KIF5C: variants seen among roughly 807,000 people sequenced by gnomAD.
KIF5C encodes the protein kinesin heavy chain isoform 5C.
In KIF5C, 18 loss-of-function variants were observed where a neutral mutation model predicts 125.2. The observed-to-expected ratio is 0.14, with a 90% CI of 0.10 to 0.21. The LOEUF (loss-of-function observed/expected upper bound fraction) is 0.21. KIF5C is among the 10% of genes least tolerant of loss of function. The pLI, the probability that KIF5C is intolerant of heterozygous loss-of-function variation, is 1.00. For synonymous variants in KIF5C, 405 were observed against 434.0 expected (o/e 0.93, Z 0.83); for missense variants, 780 against 1,183.8 (o/e 0.66, Z 5.01).
In KIF5C at chr2:148,949,823, C is replaced by A. The variant is rs754318785; in HGVS notation, c.715-16C>A. The A allele has an allele frequency of 2.5e-5, 41 of 1,612,800 alleles. No individual in the cohort carries two copies. Among genetic ancestry groups the A allele is most frequent in the Non-Finnish European group, 3.5e-5 (41 of 1,179,448 alleles). Reference sequence around the variant, plus strand: ...GCCGTCCTGTGCTGCTCACTGCTTTCTTTTCTCTCTGGTAGGTCAGCAAAA... The same window carrying A: ...GCCGTCCTGTGCTGCTCACTGCTTTATTTTCTCTCTGGTAGGTCAGCAAAA... On this transcript the variant is annotated splice_polypyrimidine_tract_variant and intron_variant, in intron 8 of 25. Coordinates refer to ENST00000435030, the MANE Select transcript of KIF5C (RefSeq NM_004522.3).
intron 10 of KIF5C, among the ~76,000 whole-genome samples, chr2:148,953,208 A>G (rs1682710512): frequency 6.6e-6 from 1 of 152,224 alleles, no homozygotes; most frequent in African/African-American, 2.4e-5. Flanking sequence ...TAGGTGGTCA[A>G]TAAATAAATG....
intron 25 of KIF5C, among the ~76,000 whole-genome samples, chr2:149,018,151 T>G (rs1057401083): frequency 2.6e-5 from 4 of 151,798 alleles, no homozygotes; most frequent in Non-Finnish European, 4.4e-5. Flanking sequence ...TAGCCAGGTG[T>G]GGTAGTGCAT....
At chr2:148,926,015 T>G (rs969643097) in intron 2 of KIF5C, among the ~76,000 whole-genome samples, 1 of 152,172 alleles carries the variant, frequency 6.6e-6, no homozygotes, top group Non-Finnish European at 1.5e-5. Flanking sequence ...GAGGATGGCC[T>G]GTCAGCCACC....
chr2:148,994,598 T>C, intron 17 of KIF5C, 60 bp downstream of exon 17: 1 of 1,521,648 alleles, frequency 6.6e-7, no homozygotes, highest in Non-Finnish European at 8.8e-7. Flanking sequence ...CAGCCTCTGG[T>C]TGGCTGGAAT....
intron 7 of KIF5C, among the ~76,000 whole-genome samples, chr2:148,945,183 T>C (rs1425542018): frequency 6.6e-6 from 1 of 152,164 alleles, no homozygotes; most frequent in Non-Finnish European, 1.5e-5. Flanking sequence ...GTGCTTTGGG[T>C]GTCATATCCA....
chr2:148,945,242 C>A (rs1274054578), intron 7 of KIF5C, among the ~76,000 whole-genome samples: 1 of 152,030 alleles, frequency 6.6e-6, no homozygotes, highest in African/African-American at 2.4e-5. Context: ...CCTGTGTTTT[C>A]TTCTAAGAGT....
chr2:148,973,342 C>A lies in KIF5C; in HGVS notation c.1124C>A (p.Ala375Asp). ...MELNRWRNGE[A>D]VPEDEQISAK... is the part of the protein sequence containing the mutation. ...GCTCGGCTATGTTTTGCAGGAGAAG[C>A]TGTGCCTGAGGATGAACAGATCAGT... Residue 375 changes from alanine (A) to aspartate (D), a missense_variant, in exon 12 of 26, where the codon GCT becomes GAT. By Grantham distance (126) the Ala-to-Asp change is moderately radical (BLOSUM62 -2). This residue lies in a region of KIF5C where 573 missense variants were observed against 742.6 expected (regional missense o/e 0.77). Coordinates refer to ENST00000435030, the MANE Select transcript of KIF5C (RefSeq NM_004522.3). The A allele has an allele frequency of 6.2e-7, 1 of 1,609,788 alleles. No individual in the cohort carries two copies. The highest frequency in any genetic ancestry group is 8.5e-7 in the Non-Finnish European group (1 of 1,178,650).
chr2:148,934,869 C>T (rs1452459242), intron 3 of KIF5C, among the ~76,000 whole-genome samples: 4 of 151,830 alleles, frequency 2.6e-5, no homozygotes, highest in African/African-American at 9.7e-5. Context: ...ACACATCACA[C>T]ATCCATATGC....
chr2:148,992,301 A>G (rs1681548880), intron 16 of KIF5C, among the ~76,000 whole-genome samples: 1 of 152,246 alleles, frequency 6.6e-6, no homozygotes, highest in South Asian at 2.1e-4. Flanking sequence ...TGATAAAAGT[A>G]TAATTTGGTC....
At chr2:149,007,325 A>G (rs1019933073) in intron 22 of KIF5C, among the ~76,000 whole-genome samples, 1 of 152,148 alleles carries the variant, frequency 6.6e-6, no homozygotes, top group African/African-American at 2.4e-5. Flanking sequence ...ATGTGTTAGG[A>G]CCTGTACTTT....
intron 11 of KIF5C, among the ~76,000 whole-genome samples, chr2:148,965,045 G>A (rs1284284372): frequency 6.6e-6 from 1 of 152,080 alleles, no homozygotes; most frequent in African/African-American, 2.4e-5. Flanking sequence ...GGCTATGGGA[G>A]AGGGAGGTTT....
chr2:148,949,276 T>C (rs1682600036), intron 8 of KIF5C, among the ~76,000 whole-genome samples: 2 of 152,242 alleles, frequency 1.3e-5, no homozygotes, highest in African/African-American at 4.8e-5. Flanking sequence ...TGACTTTTCA[T>C]TTCTCTCCCA....
At chr2:148,929,146 A>G (rs2105091505) in intron 2 of KIF5C, 135 bp from the exon 3 acceptor site, 2 of 576,302 alleles carry the variant, frequency 3.5e-6, no homozygotes, top group Middle Eastern at 3.3e-4. Context: ...CTTAAAATTC[A>G]CATGGAGTTG....
intron 25 of KIF5C, chr2:149,020,192 T>G (rs193220775): frequency 6.6e-6 from 1 of 152,302 alleles, no homozygotes; most frequent in African/African-American, 2.4e-5. Context: ...AAGATCCAGA[T>G]AGTGGGAAGG....
intron 1 of KIF5C, among the ~76,000 whole-genome samples, chr2:148,906,537 T>C (rs1391316891): frequency 2.0e-5 from 3 of 151,146 alleles, no homozygotes; most frequent in Admixed American, 6.6e-5. Flanking sequence ...CTGGGCAACA[T>C]AGTGAGAACC....
chr2:148,896,307 G>T (rs1045353077), intron 1 of KIF5C, among the ~76,000 whole-genome samples: 1 of 152,200 alleles, frequency 6.6e-6, no homozygotes, highest in Admixed American at 6.5e-5. Flanking sequence ...AGCTAAGCCT[G>T]CAAACAAAGG....
At chr2:149,008,247 C>T (rs964601295) in intron 23 of KIF5C, among the ~76,000 whole-genome samples, 180 bp downstream of exon 23, 3 of 152,080 alleles carry the variant, frequency 2.0e-5, no homozygotes, top group South Asian at 4.2e-4. Flanking sequence ...AGTGACTTCC[C>T]GTATATATAA....
rs1682614299 is a variant in KIF5C at position 148,949,766 on chromosome 2, G to A, written c.715-73G>A. On this transcript the variant is annotated intron_variant, in intron 8 of 25. Transcript: ENST00000435030. ...CAGGAGGCTGTCCCCCTTTGCCCTC[G>A]TGTGAATTTGAAATTTCTACTTTGT... is the stretch of plus-strand genomic sequence containing the variant. The A allele has an allele frequency of 6.5e-6, 10 of 1,543,844 alleles. No homozygotes were observed. In the East Asian group the frequency reaches 1.9e-4, roughly 29 times the overall value.
chr2:148,998,831 CAAAAA>C, intron 19 of KIF5C: 2 of 58,186 alleles, frequency 3.4e-5, no homozygotes, highest in Non-Finnish European at 3.6e-5. Context: ...ATGAAAGCAC[CAAAAA>C]AAAAAAAAAA....
Sources: gnomAD v4.1 joint callset for allele counts (sites outside exome capture counted in the v4.1 genomes callset) on GRCh38, gnomAD v4.1.1 for gene constraint, gnomAD v4.1.1 regional missense constraint, MANE v1.5 for transcripts, NCBI Gene and HGNC (gene_info 2026-07-23, HGNC 2026-07-21) for gene names.